Variants in VTI1A observed in about 807,000 individuals in gnomAD.
VTI1A encodes vesicle transport through interaction with t-SNAREs homolog 1A.
VTI1A carries 22 observed loss-of-function variants against 34.9 expected under a neutral mutation model. The observed-to-expected ratio is 0.63, with a 90% confidence interval of 0.45 to 0.90. The LOEUF (loss-of-function observed/expected upper bound fraction) is 0.90, where lower values mean the gene tolerates loss of function less well. Among genes scored for constraint, VTI1A ranks in the 40% least tolerant of loss-of-function variants. The pLI is 0.00. For synonymous variants in VTI1A, 87 were observed against 97.3 expected, an observed-to-expected ratio of 0.89 and a Z score of 0.62; for missense variants, 268 against 275.6, an observed-to-expected ratio of 0.97 and a Z score of 0.20.
chr10:112,751,922 G>T (rs1473458539), intron 7 of VTI1A, among the ~76,000 whole-genome samples: 5 of 152,202 alleles, frequency 3.3e-5, no homozygotes, highest in African/African-American at 2.4e-5. Flanking sequence ...TGGTGGTGTG[G>T]TAGGCAGAGG....
chr10:112,523,160 T>C (rs1850090632), intron 3 of VTI1A, among the ~76,000 whole-genome samples: 1 of 152,110 alleles, frequency 6.6e-6, no homozygotes, highest in Admixed American at 6.6e-5. Flanking sequence ...TCAGTTCAGT[T>C]GGGAAATGTC....
chr10:112,572,818 G>C (rs897296350), intron 5 of VTI1A, among the ~76,000 whole-genome samples: 1 of 145,154 alleles, frequency 6.9e-6, no homozygotes, highest in South Asian at 2.3e-4. Context: ...CAGACTGGGC[G>C]ACAGAGCGAG....
intron 7 of VTI1A, among the ~76,000 whole-genome samples, chr10:112,753,065 T>C (rs889983660): frequency 2.4e-5 from 3 of 122,508 alleles, no homozygotes; most frequent in African/African-American, 1.4e-4. Context: ...AATTATACAT[T>C]GGAAAAAAAT....
At chr10:112,558,306 G>A (rs2242205) in intron 5 of VTI1A, among the ~76,000 whole-genome samples, 18,867 of 151,942 alleles carry the variant, frequency 0.12, 1,943 homozygotes, top group East Asian at 0.27. Context: ...GGATCCTGTC[G>A]TCCTTTAATT....
chr10:112,772,602 G>A (rs1001744766), intron 7 of VTI1A, among the ~76,000 whole-genome samples: 1 of 152,174 alleles, frequency 6.6e-6, no homozygotes, highest in Non-Finnish European at 1.5e-5. Context: ...ACATCTAAGA[G>A]TCTATTGTTA....
chr10:112,759,144 A>T (rs2134004651), intron 7 of VTI1A, among the ~76,000 whole-genome samples: 1 of 152,202 alleles, frequency 6.6e-6, no homozygotes, highest in African/African-American at 2.4e-5. Context: ...CTTGGTTGGG[A>T]GCCAAGTTAA....
In VTI1A at chr10:112,720,546, C is replaced by A. The variant is rs1046439174; in HGVS notation, c.560+51548C>A. The stretch of plus-strand genomic sequence containing the variant: ...TGATTCTATTGAGTTTTTAAAAATT[C>A]TTTTGCCTCACCTCAGGCATGTGGT... On this transcript the variant is annotated intron_variant, in intron 7 of 7. Transcript: ENST00000393077. Among the ~76,000 whole-genome samples the A allele has an allele frequency of 2.0e-5, 3 of 152,152 alleles. No individual in the cohort carries two copies. The East Asian group carries it at 5.8e-4, about 29-fold the overall frequency.
chr10:112,760,441 C>T (rs895769029), intron 7 of VTI1A, among the ~76,000 whole-genome samples: 9 of 152,104 alleles, frequency 5.9e-5, no homozygotes, highest in African/African-American at 1.9e-4. Context: ...CTGCAGAAAG[C>T]GAAACCATGG....
intron 5 of VTI1A, among the ~76,000 whole-genome samples, chr10:112,539,594 T>C (rs1041000642): frequency 6.6e-6 from 1 of 152,144 alleles, no homozygotes; most frequent in Non-Finnish European, 1.5e-5. Flanking sequence ...TGACTGTTCT[T>C]GGGAAGAATG....
intron 4 of VTI1A, 69 bp downstream of exon 4, chr10:112,527,233 C>T (rs1850264908): frequency 7.3e-7 from 1 of 1,361,114 alleles, no homozygotes; most frequent in African/African-American, 1.4e-5. Context: ...GCACTGGGCT[C>T]TCAAGCTGCT....
At chr10:112,708,584 T>C (rs773728957) in intron 7 of VTI1A, among the ~76,000 whole-genome samples, 20 of 152,006 alleles carry the variant, frequency 1.3e-4, no homozygotes, top group Non-Finnish European at 1.9e-4. Context: ...TTATTAGAGA[T>C]ATTTGTAAAG....
intron 3 of VTI1A, among the ~76,000 whole-genome samples, chr10:112,507,146 G>A (rs1387215438): frequency 6.6e-6 from 1 of 152,112 alleles, no homozygotes; most frequent in African/African-American, 2.4e-5. Context: ...ACTGTGTACG[G>A]CTTTTTAAGC....
chr10:112,694,911 A>G (rs899739341), intron 7 of VTI1A, among the ~76,000 whole-genome samples: 1 of 152,130 alleles, frequency 6.6e-6, no homozygotes, highest in Non-Finnish European at 1.5e-5. Flanking sequence ...AAAGGTTGCA[A>G]TAAGCTGAGA....
At chr10:112,536,939 C>G (rs1309032070) in intron 4 of VTI1A, among the ~76,000 whole-genome samples, 1 of 151,914 alleles carries the variant, frequency 6.6e-6, no homozygotes, top group African/African-American at 2.4e-5. Flanking sequence ...TGTCAGCATC[C>G]CTGGCTGCTA....
At position 112,447,222 on chromosome 10, in the gene VTI1A, C is replaced by T. The variant is rs1013492236; in HGVS notation, c.-152C>T. On this transcript the variant is annotated 5_prime_UTR_variant, in exon 1 of 8. Coordinates refer to ENST00000393077, the MANE Select transcript of VTI1A (RefSeq NM_145206.4). The stretch of plus-strand genomic sequence containing the variant: ...GAGAACCGAGATTGCGACGAACAAC[C>T]AGGAAGCGGCTGGGTTGAGAGCTGT... 1.4e-6 allele frequency: 1 copy of T among 695,552 alleles called. No individual in the cohort carries two copies. Among genetic ancestry groups the T allele is most frequent in the African/African-American group, 1.8e-5 (1 of 56,166 alleles). The allele number at this position is 695,552 out of a possible 1,614,324, so 43.1% of individuals were successfully genotyped here.
At chr10:112,584,089 T>C (rs539780365) in intron 5 of VTI1A, among the ~76,000 whole-genome samples, 2 of 152,338 alleles carry the variant, frequency 1.3e-5, no homozygotes, top group African/African-American at 4.8e-5. Context: ...ACCATTTGTT[T>C]AGCATCTACA....
At chr10:112,600,689 C>T (rs1333879004) in intron 5 of VTI1A, among the ~76,000 whole-genome samples, 2 of 152,096 alleles carry the variant, frequency 1.3e-5, no homozygotes, top group Non-Finnish European at 2.9e-5. Context: ...ATGAAAAGTC[C>T]GTGATGTCTG....
intron 7 of VTI1A, among the ~76,000 whole-genome samples, chr10:112,773,951 G>A (rs770934215): frequency 5.4e-4 from 82 of 152,192 alleles, no homozygotes; most frequent in Non-Finnish European, 6.8e-4. Flanking sequence ...AACACAGGAG[G>A]TTAGAGCAGA....
intron 3 of VTI1A, among the ~76,000 whole-genome samples, chr10:112,510,013 A>T (rs1220468740): frequency 6.6e-6 from 1 of 152,170 alleles, no homozygotes; most frequent in African/African-American, 2.4e-5. Flanking sequence ...AGAACGCCAA[A>T]ATCTTCTGTG....
Sources: gnomAD v4.1 joint callset for allele counts (sites outside exome capture counted in the v4.1 genomes callset) on GRCh38, gnomAD v4.1.1 for gene constraint, MANE v1.5 for transcripts, NCBI Gene and HGNC (gene_info 2026-07-23, HGNC 2026-07-21) for gene names.